The following CANX variants were observed in gnomAD, a reference collection of about 807,000 sequenced individuals.
CANX encodes the protein epididymis secretory sperm binding protein.
In CANX, 14 loss-of-function variants were observed where a neutral mutation model predicts 75.7. The observed-to-expected ratio is 0.19, with a 90% CI of 0.12 to 0.29. CANX has a LOEUF of 0.29. Among genes scored for constraint, CANX ranks in the 10% least tolerant of loss-of-function variants. The pLI is 1.00. For missense variants in CANX, 567 were observed against 713.2 expected, an observed-to-expected ratio of 0.79 and a Z score of 2.34; for synonymous variants, 227 against 236.9, an observed-to-expected ratio of 0.96 and a Z score of 0.38.
intron 1 of CANX, among the ~76,000 whole-genome samples, chr5:179,689,485 T>C (rs1479246331): frequency 1.3e-5 from 2 of 148,468 alleles, no homozygotes; most frequent in Non-Finnish European, 3.0e-5. Flanking sequence ...CTTCCTGGGT[T>C]CAAGCGATTC....
rs1388874055 is a variant in CANX, at chr5:179,719,629, C to T, written c.912-39C>T. On this transcript the variant is annotated intron_variant, in intron 8 of 14. Coordinates refer to ENST00000247461, the MANE Select transcript of CANX (RefSeq NM_001746.4). Reference sequence around the variant, plus strand: ...TCCACAAAGTGGTACTATACTGTGACCAGTGTTGTCATAACTGGCTTTTTC... The same window carrying T: ...TCCACAAAGTGGTACTATACTGTGATCAGTGTTGTCATAACTGGCTTTTTC... 5 of 1,132,974 alleles carry T rather than the reference C, an allele frequency of 4.4e-6. No homozygotes were observed. The South Asian group carries it at 6.4e-5, about 15-fold the overall frequency. 70.2% of individuals were successfully genotyped at this position (1,132,974 alleles called of 1,614,324 possible). A position where few individuals can be genotyped will look rare whatever the true frequency, so the allele number is the denominator to read the frequency against.
intron 3 of CANX, 40 bp downstream of exon 3, chr5:179,706,371 T>C: frequency 9.7e-7 from 1 of 1,031,236 alleles, no homozygotes; most frequent in South Asian, 1.3e-5. Flanking sequence ...GAGGCAGACA[T>C]GTAAATAAGA....
chr5:179,681,841 A>G (rs938397769), intron 1 of CANX, among the ~76,000 whole-genome samples: 13 of 151,914 alleles, frequency 8.6e-5, no homozygotes, highest in African/African-American at 2.7e-4. Context: ...CCAGCTACTC[A>G]AGAGGCTGAG....
chr5:179,683,368 T>C (rs62406697), intron 1 of CANX, among the ~76,000 whole-genome samples: 60,763 of 151,502 alleles, frequency 0.4, 12,292 homozygotes, highest in South Asian at 0.56. Flanking sequence ...CTCCTGACCT[T>C]GTGATCCGCC....
At chr5:179,679,248 G>T in intron 1 of CANX, 2 of 1,527,850 alleles carry the variant, frequency 1.3e-6, no homozygotes, top group Non-Finnish European at 1.8e-6. Flanking sequence ...AATGATGAAG[G>T]CGAGCCAGGG....
exon 1 of CANX, chr5:179,678,759 G>C: frequency 6.5e-7 from 1 of 1,537,124 alleles, no homozygotes; most frequent in Non-Finnish European, 8.7e-7. Context: ...TCTATGAGCA[G>C]TTCCTGCTGC....
Position 179,728,795 on chromosome 5 carries a change from C to T in CANX, c.*151C>T. The T allele has an allele frequency of 1.4e-6, 1 of 707,856 alleles. No individual in the cohort carries two copies. The highest frequency in any genetic ancestry group is 2.7e-5 in the East Asian group (1 of 36,436). 43.8% of individuals were successfully genotyped at this position (707,856 alleles called of 1,614,324 possible). On this transcript the variant is annotated 3_prime_UTR_variant, in exon 15 of 15. Coordinates refer to ENST00000247461, the MANE Select transcript of CANX (RefSeq NM_001746.4). ...TCCAGTTGAACACTAGTCTGTGTAA[C>T]TTTAAACATCTAGCAGTAAATACTT...
In CANX at chr5:179,709,979, G is replaced by C. The variant is rs781268361; in HGVS notation, c.635G>C (p.Gly212Ala). The C allele has an allele frequency of 1.9e-6, 3 of 1,613,052 alleles. No homozygotes were observed. Among genetic ancestry groups the C allele is most frequent in the South Asian group, 2.2e-5 (2 of 91,062 alleles). ...FIFRHKNPKTGIYEEKHAKRP... is the reference protein window; with the variant it reads ...FIFRHKNPKTAIYEEKHAKRP... ...TTCCGACACAAAAACCCCAAAACGG[G>C]TATCTATGAAGAAAAACATGCTAAG... The change falls in exon 7 of 15, where the codon GGT becomes GCT. Residue 212 changes from glycine to alanine, a missense_variant. Around this residue, in one of 3 missense-constraint regions of CANX, gnomAD observed 351 missense variants for 433.8 expected, o/e 0.81. Coordinates refer to ENST00000247461, the MANE Select transcript of CANX (RefSeq NM_001746.4).
At position 179,709,886 on chromosome 5, in the gene CANX, A is replaced by G. The variant is rs1777414058; in HGVS notation, c.542A>G (p.Asp181Gly). The G allele has an allele frequency of 6.3e-7, 1 of 1,594,056 alleles. No homozygotes were observed. The highest frequency in any genetic ancestry group is 1.4e-5 in the African/African-American group (1 of 73,576). Residue 181 changes from aspartate to glycine, a missense_variant, in exon 7 of 15, where the codon GAC becomes GGC. Transcript: ENST00000247461. ...TPELNLDQFH[D>G]KTPYTIMFGP... The stretch of plus-strand genomic sequence containing the variant: ...TTGTTTTTGAAGGATCAGTTCCATG[A>G]CAAGACCCCTTATACGATTATGTTT...
At chr5:179,710,137 A>G in intron 7 of CANX, 72 bp downstream of exon 7, 1 of 986,328 alleles carries the variant, frequency 1.0e-6, no homozygotes, top group East Asian at 2.6e-5. Flanking sequence ...AAGATTGTAT[A>G]TCTGGCCGGG....
intron 1 of CANX, chr5:179,701,132 C>G (rs915444920): frequency 6.6e-6 from 1 of 152,108 alleles, no homozygotes; most frequent in Non-Finnish European, 1.5e-5. Context: ...TCCCAAAATG[C>G]TGGGATTACA....
At position 179,718,174 on chromosome 5, in the gene CANX, T is replaced by C. The variant is rs182707658; in HGVS notation, c.912-1494T>C. 2.4e-3 allele frequency among the ~76,000 whole-genome samples: 360 copies of C among 152,152 alleles called. 2 individuals are homozygous for C. Among genetic ancestry groups the C allele is most frequent in the African/African-American group, 8.3e-3 (345 of 41,512 alleles). On this transcript the variant is annotated intron_variant, in intron 8 of 14. Coordinates refer to ENST00000247461, the MANE Select transcript of CANX (RefSeq NM_001746.4). ...GGTATGCACGCCTGGCTAATTTTTA[T>C]GGGTTTTTTGTTTGTTTGTTGAGAC...
Position 179,709,067 on chromosome 5 carries a change from A to G in CANX, c.528+8A>G. 2 of 1,518,776 alleles carry G rather than the reference A, an allele frequency of 1.3e-6. No homozygotes were observed. The highest frequency in any genetic ancestry group is 4.5e-5 in the East Asian group (2 of 44,464). 94.1% of individuals were successfully genotyped at this position (1,518,776 alleles called of 1,614,324 possible). A position where few individuals can be genotyped will look rare whatever the true frequency, so the allele number is the denominator to read the frequency against. ...ACACCAGAACTCAACCTGGTATGTAATTCCCATTTCTGGAATGTGGCTGGA... is the reference window on the plus strand; with the variant it reads ...ACACCAGAACTCAACCTGGTATGTAGTTCCCATTTCTGGAATGTGGCTGGA... On this transcript the variant is annotated splice_region_variant and intron_variant, in intron 6 of 14. Coordinates refer to ENST00000247461, the MANE Select transcript of CANX (RefSeq NM_001746.4).
chr5:179,717,959 A>G (rs1346941724), intron 8 of CANX, among the ~76,000 whole-genome samples: 2 of 151,246 alleles, frequency 1.3e-5, no homozygotes, highest in Admixed American at 1.3e-4. Context: ...CAGGTGATCT[A>G]CCCGCCTCAG....
At chr5:179,722,418 T>C (rs1289163022) in intron 10 of CANX, among the ~76,000 whole-genome samples, 2 of 152,260 alleles carry the variant, frequency 1.3e-5, no homozygotes, top group East Asian at 1.9e-4. Context: ...TAGGTAGTTA[T>C]CTAGAAGTGA....
rs566226603 is a variant in CANX at position 179,719,579 on chromosome 5, A to G, written c.912-89A>G. Reference sequence around the variant, plus strand: ...TTTTAAATTTTGAGATTAAAAACAAATTTTTTTAGAATACTCTGTTCTGAT... The same window carrying G: ...TTTTAAATTTTGAGATTAAAAACAAGTTTTTTTAGAATACTCTGTTCTGAT... On this transcript the variant is annotated intron_variant, in intron 8 of 14. Coordinates refer to ENST00000247461, the MANE Select transcript of CANX (RefSeq NM_001746.4). The G allele has an allele frequency of 1.2e-5, 7 of 602,546 alleles. No homozygotes were observed. In the African/African-American group the frequency reaches 1.3e-4, roughly 11 times the overall value. The allele number at this position is 602,546 out of a possible 1,614,324, so 37.3% of individuals were successfully genotyped here. A position where few individuals can be genotyped will look rare whatever the true frequency, so the allele number is the denominator to read the frequency against.
intron 7 of CANX, among the ~76,000 whole-genome samples, chr5:179,713,561 G>A (rs1202622974): frequency 1.3e-5 from 2 of 152,110 alleles, no homozygotes; most frequent in African/African-American, 4.8e-5. Context: ...ATTATAGTTA[G>A]AACAATTTAT....
chr5:179,691,544 CAAAGAAAAA>C (rs759969322), intron 1 of CANX, among the ~76,000 whole-genome samples: 5 of 147,694 alleles, frequency 3.4e-5, no homozygotes, highest in African/African-American at 5.0e-5. Flanking sequence ...CCCATCTCTG[CAAAGAAAAA>C]AAAGAAAAAA....
chr5:179,683,988 T>C (rs1776137026), intron 1 of CANX, among the ~76,000 whole-genome samples: 1 of 152,236 alleles, frequency 6.6e-6, no homozygotes, highest in African/African-American at 2.4e-5. Context: ...CATTCAGCTG[T>C]TGATGCACAT....
Sources: gnomAD v4.1 joint callset for allele counts (sites outside exome capture counted in the v4.1 genomes callset) on GRCh38, gnomAD v4.1.1 for gene constraint, gnomAD v4.1.1 regional missense constraint, MANE v1.5 for transcripts, NCBI Gene and HGNC (gene_info 2026-07-23, HGNC 2026-07-21) for gene names.